ANKRD36C: variants seen among roughly 807,000 people sequenced by gnomAD.
ANKRD36C encodes the protein ankyrin repeat domain 36C, also known as ankyrin repeat domain-containing protein 36C.
In ANKRD36C, 61 loss-of-function variants were observed where a neutral mutation model predicts 276.4. The ratio of observed to expected loss-of-function variants is 0.22; its 90% CI spans 0.18 to 0.27. The LOEUF is 0.27. Ranked by LOEUF, ANKRD36C falls within the 10% of genes least tolerant of loss-of-function variation. The pLI, the probability that ANKRD36C is intolerant of heterozygous loss-of-function variation, is 1.00. For synonymous variants in ANKRD36C, 483 were observed against 680.1 expected (o/e 0.71, Z 4.51); for missense variants, 1,447 against 2,032.3 (o/e 0.71, Z 5.54).
exon 64 of ANKRD36C, chr2:95,853,751 C>A (rs757880653): frequency 1.3e-6 from 2 of 1,597,588 alleles, no homozygotes; most frequent in East Asian, 4.5e-5. Context: ...AATCCTGCAT[C>A]CCATTTTCTA....
chr2:95,894,318 A>C (rs971381420), intron 44 of ANKRD36C: 5 of 153,256 alleles, frequency 3.3e-5, no homozygotes, highest in African/African-American at 1.2e-4. Context: ...ATGTGGTATA[A>C]AAATTTGCTT....
At chr2:95,893,666 C>T (rs755887267) in intron 44 of ANKRD36C, 30 bp downstream of exon 63, 8 of 1,600,982 alleles carry the variant, frequency 5.0e-6, no homozygotes, top group Admixed American at 3.4e-5. Context: ...TACATTAACT[C>T]GTTCACAATA....
chr2:95,974,490 A>G (rs1217270403), intron 6 of ANKRD36C, among the ~76,000 whole-genome samples: 1 of 152,184 alleles, frequency 6.6e-6, no homozygotes, highest in African/African-American at 2.4e-5. Flanking sequence ...TCAAAAGAAA[A>G]CAGTAAAAGC....
intron 59 of ANKRD36C, among the ~76,000 whole-genome samples, chr2:95,874,710 A>T (rs1265918466): frequency 1.3e-5 from 2 of 152,262 alleles, no homozygotes; most frequent in South Asian, 2.1e-4. Flanking sequence ...GCTTCTGCAC[A>T]GCAAAAGAAA....
rs1245361948 is a variant in ANKRD36C, at chr2:95,921,699, A to C, written c.2173-20T>G. On this transcript the variant is annotated intron_variant, in intron 33 of 66. Coordinates refer to ENST00000456556, the Ensembl canonical transcript of ANKRD36C. The stretch of plus-strand genomic sequence containing the variant: ...TGTAGCCTGAATGGAATTTGAAAGA[A>C]AATAATAAATAAATAAATAAATGAA... The C allele has an allele frequency of 6.3e-7, 1 of 1,587,440 alleles. No individual in the cohort carries two copies. The highest frequency in any genetic ancestry group is 8.6e-7 in the Non-Finnish European group (1 of 1,168,670).
chr2:95,918,144 C>T (rs902933960), intron 34 of ANKRD36C, 102 bp from the exon 37 acceptor site: 1 of 1,498,780 alleles, frequency 6.7e-7, no homozygotes, highest in Non-Finnish European at 9.0e-7. Context: ...TCTGCCTGTA[C>T]TAGTGTAGGC....
At chr2:95,852,359 T>G (rs1349722599) in intron 64 of ANKRD36C, 163 bp from the exon 85 acceptor site, 3 of 635,320 alleles carry the variant, frequency 4.7e-6, no homozygotes, top group Non-Finnish European at 8.2e-6. Context: ...ACCTGTTTTT[T>G]GTAATTAATT....
intron 59 of ANKRD36C, among the ~76,000 whole-genome samples, chr2:95,873,175 G>A (rs1675856950): frequency 6.6e-6 from 1 of 152,130 alleles, no homozygotes; most frequent in African/African-American, 2.4e-5. Context: ...TATGAGGCCA[G>A]CATCATCCTG....
At chr2:95,928,159 A>G (rs1181156347) in intron 26 of ANKRD36C, among the ~76,000 whole-genome samples, 1 of 151,712 alleles carries the variant, frequency 6.6e-6, no homozygotes, top group African/African-American at 2.4e-5. Flanking sequence ...TAAGTTTTAC[A>G]TTCAGAAATC....
chr2:95,903,143 T>C lies in ANKRD36C; in HGVS notation c.2654-3807A>G, dbSNP rs1347928727. ...AAAAATGACAAAATTATCCACATAT[T>C]CATGCAGTGTTAGCATCAACCTCTG... On this transcript the variant is annotated intron_variant, in intron 42 of 66. Transcript: ENST00000456556. 5.8e-5 allele frequency: 89 copies of C among 1,534,588 alleles called. 1 individual carries two copies. The highest frequency in any genetic ancestry group is 7.7e-5 in the Non-Finnish European group (87 of 1,136,058).
intron 3 of ANKRD36C, among the ~76,000 whole-genome samples, chr2:95,986,280 A>C (rs993003349): frequency 3.3e-5 from 5 of 152,082 alleles, no homozygotes; most frequent in African/African-American, 1.2e-4. Flanking sequence ...CTTTCCACAG[A>C]GGAATCACTT....
downstream of ANKRD36C, among the ~76,000 whole-genome samples, chr2:95,850,181 A>G (rs1182854359): frequency 6.6e-6 from 1 of 152,300 alleles, no homozygotes; most frequent in African/African-American, 2.4e-5. Flanking sequence ...GCAGTTAAGT[A>G]TCAGAGCTTC....
intron 44 of ANKRD36C, 127 bp from the exon 59 acceptor site, chr2:95,897,592 C>T (rs2104371055): frequency 6.2e-6 from 7 of 1,124,606 alleles, no homozygotes; most frequent in African/African-American, 4.7e-5. Context: ...ATGGCTTCTA[C>T]TTTGTGTCTG....
intron 20 of ANKRD36C, among the ~76,000 whole-genome samples, chr2:95,940,782 C>T (rs1573787451): frequency 6.8e-6 from 1 of 147,906 alleles, no homozygotes; most frequent in East Asian, 1.9e-4. Flanking sequence ...TTTACACCAT[C>T]CCACCTCACA....
chr2:95,919,669 T>C, intron 34 of ANKRD36C, 64 bp downstream of exon 36: 2 of 759,180 alleles, frequency 2.6e-6, no homozygotes, highest in Non-Finnish European at 3.2e-6. Flanking sequence ...GCTGATTTAT[T>C]CGGGATAGAG....
intron 10 of ANKRD36C, among the ~76,000 whole-genome samples, chr2:95,960,151 A>G (rs372175311): frequency 2.6e-5 from 4 of 151,224 alleles, no homozygotes; most frequent in African/African-American, 7.3e-5. Context: ...ACTTCATCTT[A>G]TTCTCCTTCC....
chr2:95,928,050 T>C (rs561284473), intron 26 of ANKRD36C, among the ~76,000 whole-genome samples: 9 of 151,812 alleles, frequency 5.9e-5, no homozygotes, highest in Admixed American at 2.0e-4. Flanking sequence ...TCATCCACTC[T>C]TGGCAACAAA....
chr2:95,922,951 A>G (rs1230978946), intron 32 of ANKRD36C, among the ~76,000 whole-genome samples: 1 of 151,658 alleles, frequency 6.6e-6, no homozygotes, highest in Non-Finnish European at 1.5e-5. Context: ...ATGCATCTGA[A>G]GTGAGTTCAC....
intron 22 of ANKRD36C, among the ~76,000 whole-genome samples, chr2:95,938,039 ACT>A (rs1677766916): frequency 1.3e-5 from 2 of 152,152 alleles, no homozygotes; most frequent in South Asian, 4.1e-4. Flanking sequence ...AATATATTCC[ACT>A]GATTACAAAA....
Sources: gnomAD v4.1 joint callset for allele counts (sites outside exome capture counted in the v4.1 genomes callset) on GRCh38, gnomAD v4.1.1 for gene constraint, MANE v1.5 for transcripts, NCBI Gene and HGNC (gene_info 2026-07-23, HGNC 2026-07-21) for gene names.